The following CDH11 variants were observed in gnomAD, a reference collection of about 807,000 sequenced individuals.
CDH11 encodes cadherin-11.
A neutral mutation model predicts 67.8 loss-of-function variants in CDH11; 11 were observed. The ratio of observed to expected loss-of-function variants is 0.16; its 90% confidence interval spans 0.10 to 0.27. The LOEUF is 0.27. Among genes scored for constraint, CDH11 ranks in the 10% least tolerant of loss-of-function variants. The pLI is 1.00. For synonymous variants in CDH11, 419 were observed against 400.0 expected (o/e 1.05, Z -0.57); for missense variants, 847 against 1,031.2 (o/e 0.82, Z 2.45).
At position 65,090,722 on chromosome 16, in the gene CDH11, G is replaced by A. The variant is rs553257630; in HGVS notation, c.-298+31158C>T. 3.9e-5 allele frequency among the ~76,000 whole-genome samples: 6 copies of A among 152,254 alleles called. No individual in the cohort carries two copies. In the South Asian group the frequency reaches 1.0e-3, roughly 26 times the overall value. On this transcript the variant is annotated intron_variant, in intron 1 of 12. Coordinates refer to ENST00000268603, the MANE Select transcript of CDH11 (RefSeq NM_001797.4). ...TTTGTAGTGAAAAATGTAGATAGTAGAAATGAATTACAATATCCTAAAGGC... is the reference window on the plus strand; with the variant it reads ...TTTGTAGTGAAAAATGTAGATAGTAAAAATGAATTACAATATCCTAAAGGC...
chr16:64,955,695 T>C (rs1261503789), intron 11 of CDH11, among the ~76,000 whole-genome samples: 1 of 152,006 alleles, frequency 6.6e-6, no homozygotes, highest in African/African-American at 2.4e-5. Flanking sequence ...CAGTGAGCTA[T>C]AATAGTACCA....
intron 5 of CDH11, among the ~76,000 whole-genome samples, chr16:64,992,676 T>C (rs926190523): frequency 3.3e-5 from 5 of 152,256 alleles, no homozygotes; most frequent in Non-Finnish European, 7.3e-5. Context: ...GTTGAGTTTT[T>C]AGATTATAGT....
chr16:65,074,540 A>G (rs1770111406), intron 1 of CDH11, among the ~76,000 whole-genome samples: 1 of 152,212 alleles, frequency 6.6e-6, no homozygotes, highest in Non-Finnish European at 1.5e-5. Context: ...GAACAATGGC[A>G]TGACTTTTTC....
Position 65,084,340 on chromosome 16 carries a change from T to C in CDH11, c.-297-30412A>G, listed in dbSNP as rs539105033. On this transcript the variant is annotated intron_variant, in intron 1 of 12. Transcript: ENST00000268603. ...ACATGGGGGTACATGCCTGTAGTCCTAGCTACTTGGGAGGCTGAGGTGGGA... is the reference window on the plus strand; with the variant it reads ...ACATGGGGGTACATGCCTGTAGTCCCAGCTACTTGGGAGGCTGAGGTGGGA... Among the ~76,000 whole-genome samples the C allele has an allele frequency of 4.6e-5, 7 of 151,734 alleles. No individual in the cohort carries two copies. In the South Asian group the frequency reaches 1.5e-3, roughly 32 times the overall value.
intron 2 of CDH11, among the ~76,000 whole-genome samples, chr16:65,036,497 T>G (rs1308882912): frequency 6.6e-6 from 1 of 152,104 alleles, no homozygotes; most frequent in African/African-American, 2.4e-5. Flanking sequence ...AACTCAGGCA[T>G]TAAAATGTCC....
At chr16:65,055,620 T>A (rs12443990) in intron 1 of CDH11, among the ~76,000 whole-genome samples, 1 of 152,210 alleles carries the variant, frequency 6.6e-6, no homozygotes, top group African/African-American at 2.4e-5. Context: ...ATACTGATTG[T>A]GTCTCAGAAT....
In CDH11 at chr16:65,121,302, G is replaced by C. The variant is rs916191214; in HGVS notation, c.-298+578C>G. Among the ~76,000 whole-genome samples the C allele has an allele frequency of 6.6e-6, 1 of 152,210 alleles. No homozygotes were observed. Among genetic ancestry groups the C allele is most frequent in the East Asian group, 1.9e-4 (1 of 5,168 alleles). On this transcript the variant is annotated intron_variant, in intron 1 of 12. Coordinates refer to ENST00000268603, the MANE Select transcript of CDH11 (RefSeq NM_001797.4). The surrounding 1 kb of genome is among the most constrained non-coding windows in gnomAD (Gnocchi z 4.1). ...CCCAAACCCACGCTATTAAAGTGCG[G>C]GCAATCTCCTTCCGGAGCTGGGGTC...
At chr16:64,994,895 C>T (rs915542773) in intron 4 of CDH11, among the ~76,000 whole-genome samples, 4 of 152,186 alleles carry the variant, frequency 2.6e-5, no homozygotes, top group East Asian at 1.9e-4. Flanking sequence ...CAAAAGTCAA[C>T]GGCATTTCTA....
At chr16:65,030,213 C>A (rs556642144) in intron 2 of CDH11, among the ~76,000 whole-genome samples, 2 of 152,272 alleles carry the variant, frequency 1.3e-5, no homozygotes, top group South Asian at 2.1e-4. Flanking sequence ...ATTTGGCAAA[C>A]TGAATTACAG....
chr16:64,956,257 G>A (rs2071507686), intron 11 of CDH11, among the ~76,000 whole-genome samples: 1 of 152,152 alleles, frequency 6.6e-6, no homozygotes, highest in African/African-American at 2.4e-5. Flanking sequence ...ATAATTTTAG[G>A]TTAAATTTGA....
chr16:65,001,236 A>G (rs1749838831), intron 3 of CDH11, among the ~76,000 whole-genome samples: 1 of 152,202 alleles, frequency 6.6e-6, no homozygotes, highest in African/African-American at 2.4e-5. Flanking sequence ...ACTTTTCTTC[A>G]GCATTTGTTA....
intron 1 of CDH11, among the ~76,000 whole-genome samples, chr16:65,077,430 G>A (rs929591194): frequency 2.0e-5 from 3 of 152,214 alleles, no homozygotes; most frequent in Non-Finnish European, 4.4e-5. Flanking sequence ...GCAGAAGAGT[G>A]AAATTGTGAT....
At chr16:64,994,752 A>G (rs8056333) in intron 4 of CDH11, among the ~76,000 whole-genome samples, 2,011 of 152,318 alleles carry the variant, frequency 0.013, 44 homozygotes, top group African/African-American at 0.045. Flanking sequence ...TCGAAATAGG[A>G]AAAGAAGAAG....
rs936955712 is a variant in CDH11, at chr16:64,947,091, C to A, written c.*512G>T. On this transcript the variant is annotated 3_prime_UTR_variant, in exon 13 of 13. Coordinates refer to ENST00000268603, the MANE Select transcript of CDH11 (RefSeq NM_001797.4). ...AGTAACAAGATTGATGCTCAAGAGA[C>A]ATAATTGTACATTGTATTGTACATA... The A allele has an allele frequency of 7.7e-6, 8 of 1,032,638 alleles. No homozygotes were observed. The highest frequency in any genetic ancestry group is 1.7e-5 in the African/African-American group (1 of 59,284). The allele number at this position is 1,032,638 out of a possible 1,614,324, so 64.0% of individuals were successfully genotyped here.
intron 1 of CDH11, among the ~76,000 whole-genome samples, chr16:65,117,471 A>C (rs1398915476): frequency 3.3e-5 from 5 of 152,186 alleles, no homozygotes; most frequent in Admixed American, 3.3e-4. Flanking sequence ...CATAAGCCAT[A>C]ATTTCCATAT....
chr16:64,989,330 AG>A (rs1340681645), intron 6 of CDH11, among the ~76,000 whole-genome samples: 2 of 151,846 alleles, frequency 1.3e-5, no homozygotes, highest in African/African-American at 4.8e-5. Flanking sequence ...TTTGTGAGTG[AG>A]TTTGTGTATG....
chr16:65,050,899 C>T (rs972002549), intron 2 of CDH11, among the ~76,000 whole-genome samples: 16 of 152,016 alleles, frequency 1.1e-4, no homozygotes, highest in African/African-American at 3.6e-4. Context: ...CTAATTGCCC[C>T]TATTATCTAG....
chr16:65,011,309 G>A (rs549428795), intron 2 of CDH11, among the ~76,000 whole-genome samples: 1 of 151,926 alleles, frequency 6.6e-6, no homozygotes, highest in South Asian at 2.1e-4. Flanking sequence ...GAAAGTCCAG[G>A]TCCCCAATCT....
intron 8 of CDH11, among the ~76,000 whole-genome samples, chr16:64,978,113 A>G (rs557927076): frequency 6.6e-6 from 1 of 152,330 alleles, no homozygotes; most frequent in African/African-American, 2.4e-5. Flanking sequence ...TGTGTGCTCA[A>G]TGAAGGTTTG....
Sources: gnomAD v4.1 joint callset for allele counts (sites outside exome capture counted in the v4.1 genomes callset) on GRCh38, gnomAD v4.1.1 for gene constraint, Gnocchi (gnomAD v3.1) non-coding constraint, MANE v1.5 for transcripts, NCBI Gene and HGNC (gene_info 2026-07-23, HGNC 2026-07-21) for gene names.